SGCD: variants seen among roughly 807,000 people sequenced by gnomAD.
SGCD encodes the protein delta-sarcoglycan.
In SGCD, 18 loss-of-function variants were observed where a neutral mutation model predicts 36.6. That is an observed-to-expected ratio of 0.49 (90% CI 0.34 to 0.73). SGCD has a LOEUF of 0.73. Among genes scored for constraint, SGCD ranks in the 30% least tolerant of loss-of-function variants. The pLI is 0.01. For synonymous variants in SGCD, 133 were observed against 130.6 expected, an observed-to-expected ratio of 1.02 and a Z score of -0.12; for missense variants, 387 against 346.7, an observed-to-expected ratio of 1.12 and a Z score of -0.92.
At chr5:155,888,207 G>A (rs949198858) in intron 1 of SGCD, among the ~76,000 whole-genome samples, 9 of 152,128 alleles carry the variant, frequency 5.9e-5, no homozygotes, top group African/African-American at 2.2e-4. Flanking sequence ...TTGTCCCCAG[G>A]TTCTCCTTTC....
At chr5:156,574,956 A>G (rs1759870013) in intron 4 of SGCD, among the ~76,000 whole-genome samples, 2 of 152,186 alleles carry the variant, frequency 1.3e-5, no homozygotes. Flanking sequence ...AAAGAGAACC[A>G]AAGAATGTGT....
At chr5:156,677,060 G>A (rs1215702964) in intron 7 of SGCD, among the ~76,000 whole-genome samples, 1 of 152,120 alleles carries the variant, frequency 6.6e-6, no homozygotes, top group African/African-American at 2.4e-5. Context: ...AACCTCCTTT[G>A]GGAGAAGGCT....
intron 3 of SGCD, among the ~76,000 whole-genome samples, chr5:156,149,940 A>G (rs942111894): frequency 1.3e-5 from 2 of 152,172 alleles, no homozygotes; most frequent in South Asian, 4.1e-4. Context: ...TTGGCCTTGA[A>G]AACCAGTGCC....
chr5:156,143,117 C>T (rs1256547591), intron 3 of SGCD, among the ~76,000 whole-genome samples: 3 of 152,218 alleles, frequency 2.0e-5, no homozygotes, highest in African/African-American at 7.2e-5. Flanking sequence ...TGCTTTTTGC[C>T]TCCCAGATCC....
intron 1 of SGCD, among the ~76,000 whole-genome samples, chr5:156,049,799 T>G (rs1759868836): frequency 6.8e-6 from 1 of 146,244 alleles, no homozygotes; most frequent in African/African-American, 2.5e-5. Context: ...GATTCCAGTA[T>G]TAATGAGTGA....
the SGCD span, among the ~76,000 whole-genome samples, chr5:155,729,873 C>T: frequency 2.0e-5 from 3 of 152,228 alleles, no homozygotes; most frequent in East Asian, 1.9e-4. Context: ...CTGGGCAGCA[C>T]GGAGTTGGCT....
At chr5:156,614,134 A>G (rs1031324856) in intron 6 of SGCD, among the ~76,000 whole-genome samples, 1 of 152,060 alleles carries the variant, frequency 6.6e-6, no homozygotes, top group Non-Finnish European at 1.5e-5. Context: ...TTTAGTAGAG[A>G]TGGTTTCACC....
intron 7 of SGCD, among the ~76,000 whole-genome samples, chr5:156,753,387 A>C (rs1295033259): frequency 1.3e-5 from 2 of 152,304 alleles, no homozygotes; most frequent in East Asian, 3.9e-4. Context: ...CACTCCCATC[A>C]GGAGGAAACC....
chr5:156,272,145 G>T lies in SGCD; in HGVS notation c.-43-57389G>T, dbSNP rs112329158. Among the ~76,000 whole-genome samples, 456 of 152,138 alleles carry T rather than the reference G, an allele frequency of 3.0e-3. 3 individuals are homozygous for T. Among genetic ancestry groups the T allele is most frequent in the African/African-American group, 0.01 (433 of 41,512 alleles). On this transcript the variant is annotated intron_variant, in intron 3 of 9. Transcript: ENST00000517913. ...CAGTGTACACTGTACCCAATATATT[G>T]TCTGTTATCCCTTACACCCTTCTCA...
intron 7 of SGCD, among the ~76,000 whole-genome samples, chr5:156,741,158 T>C (rs766290477): frequency 5.3e-5 from 8 of 152,150 alleles, no homozygotes; most frequent in Non-Finnish European, 1.2e-4. Flanking sequence ...TCTCTAAGGA[T>C]GGAAACACAA....
chr5:156,379,209 A>G (rs1389942378), intron 3 of SGCD, among the ~76,000 whole-genome samples: 1 of 152,348 alleles, frequency 6.6e-6, no homozygotes, highest in African/African-American at 2.4e-5. Context: ...GAAAATACCT[A>G]TATTTCAGAC....
At chr5:155,834,500 A>C in the SGCD span, among the ~76,000 whole-genome samples, 52 of 152,288 alleles carry the variant, frequency 3.4e-4, no homozygotes, top group African/African-American at 1.2e-3. Context: ...GGTGTTTTGT[A>C]ACCTTATCGT....
intron 3 of SGCD, among the ~76,000 whole-genome samples, chr5:156,306,618 G>A (rs1767219558): frequency 6.6e-6 from 1 of 152,168 alleles, no homozygotes; most frequent in South Asian, 2.1e-4. Context: ...CCATTCCTAG[G>A]AAGATGGTAG....
At chr5:156,480,068 G>A (rs1214357292) in intron 3 of SGCD, among the ~76,000 whole-genome samples, 1 of 152,218 alleles carries the variant, frequency 6.6e-6, no homozygotes, top group East Asian at 1.9e-4. Context: ...AGCAAGGCAA[G>A]TTGCTGTCAC....
At chr5:156,247,296 G>C (rs1765462095) in intron 3 of SGCD, among the ~76,000 whole-genome samples, 1 of 152,176 alleles carries the variant, frequency 6.6e-6, no homozygotes, top group African/African-American at 2.4e-5. Flanking sequence ...TGAAACTCAT[G>C]ATGAGACTCA....
intron 3 of SGCD, among the ~76,000 whole-genome samples, chr5:156,140,055 C>G (rs1762542316): frequency 6.6e-6 from 1 of 152,198 alleles, no homozygotes; most frequent in Non-Finnish European, 1.5e-5. Context: ...AACAAACTTG[C>G]CAGTACCTTG....
chr5:156,057,844 C>A (rs1760100304), intron 1 of SGCD, among the ~76,000 whole-genome samples: 1 of 145,576 alleles, frequency 6.9e-6, no homozygotes. Flanking sequence ...AAAAAAAAAT[C>A]AATCACTGGT....
chr5:155,911,319 G>GTGTGTATATATA (rs145927722), intron 1 of SGCD, among the ~76,000 whole-genome samples: 1 of 141,380 alleles, frequency 7.1e-6, no homozygotes, highest in Non-Finnish European at 1.5e-5. Context: ...GTGTGTGTGT[G>GTGTGTATATATA]TATATATATA....
chr5:155,960,570 G>A (rs1281380971), intron 1 of SGCD, among the ~76,000 whole-genome samples: 2 of 152,006 alleles, frequency 1.3e-5, no homozygotes, highest in Non-Finnish European at 2.9e-5. Flanking sequence ...AGATAGTCCA[G>A]ATAAATTCAT....
Sources: gnomAD v4.1 joint callset for allele counts (sites outside exome capture counted in the v4.1 genomes callset) on GRCh38, gnomAD v4.1.1 for gene constraint, MANE v1.5 for transcripts, NCBI Gene and HGNC (gene_info 2026-07-23, HGNC 2026-07-21) for gene names.